The following XIRP2 variants were observed in gnomAD, a reference collection of about 807,000 sequenced individuals.
XIRP2 encodes the protein xin actin binding repeat containing 2.
A neutral mutation model predicts 277.0 loss-of-function variants in XIRP2; 236 were observed. The observed-to-expected ratio is 0.85, with a 90% CI of 0.77 to 0.95. The LOEUF (loss-of-function observed/expected upper bound fraction) is 0.95. Among genes scored for constraint, XIRP2 ranks in the 40% least tolerant of loss-of-function variants. The probability of loss-of-function intolerance (pLI) is 0.00; values close to 1 mark genes in which losing one functional copy is unlikely to be tolerated. For synonymous variants in XIRP2, 1,490 were observed against 1,416.5 expected (o/e 1.05, Z -1.17); for missense variants, 4,640 against 4,157.5 (o/e 1.12, Z -3.19).
intron 3 of XIRP2, among the ~76,000 whole-genome samples, chr2:167,137,153 T>A (rs1691580380): frequency 2.0e-5 from 3 of 152,296 alleles, no homozygotes; most frequent in South Asian, 4.1e-4. Context: ...CCATTCTGAT[T>A]CCGTTTGGTT....
chr2:167,185,550 G>A (rs115922434), intron 3 of XIRP2, among the ~76,000 whole-genome samples: 5,978 of 152,068 alleles, frequency 0.039, 129 homozygotes, highest in Non-Finnish European at 0.051. Context: ...TAAGGAGAGA[G>A]AAGGTGGGGA....
intron 2 of XIRP2, among the ~76,000 whole-genome samples, chr2:166,913,072 G>C (rs190331501): frequency 5.3e-5 from 8 of 151,850 alleles, no homozygotes; most frequent in African/African-American, 1.5e-4. Context: ...TGAGGAGGCA[G>C]TCTATCCATT....
chr2:167,041,726 C>CAG (rs144536666), intron 2 of XIRP2, among the ~76,000 whole-genome samples: 145 of 150,018 alleles, frequency 9.7e-4, no homozygotes, highest in African/African-American at 3.1e-3. Context: ...AAGACAGAGA[C>CAG]AGAGAGAGAG....
intron 2 of XIRP2, among the ~76,000 whole-genome samples, chr2:166,926,916 C>T (rs933117382): frequency 2.0e-5 from 3 of 152,096 alleles, no homozygotes; most frequent in Admixed American, 6.6e-5. Context: ...GCTCAAGACC[C>T]TGAGAACTTT....
chr2:167,241,946 G>A (rs1417959402), intron 8 of XIRP2, 36 bp downstream of exon 8: 2 of 1,566,808 alleles, frequency 1.3e-6, no homozygotes, highest in Admixed American at 3.9e-5. Flanking sequence ...CATACTAAGT[G>A]TAAGACCAAG....
intron 2 of XIRP2, among the ~76,000 whole-genome samples, chr2:166,915,321 AAG>A (rs1175152405): frequency 4.0e-5 from 6 of 150,828 alleles, no homozygotes; most frequent in Admixed American, 1.3e-4. Context: ...AAAAAAAAAA[AAG>A]AAAAAGAAAT....
chr2:166,928,611 G>A (rs1210877444), intron 2 of XIRP2, among the ~76,000 whole-genome samples: 2 of 152,034 alleles, frequency 1.3e-5, no homozygotes, highest in Non-Finnish European at 2.9e-5. Flanking sequence ...TTGCTTTTTA[G>A]TTTATAGCAT....
rs1323405913 is a variant in XIRP2, at chr2:166,903,908, G to A, written c.408+18G>A. ...GTGGAAAGGTAAGGAGCCATTGATT[G>A]AGAGTCTATGTTTACATATGACTTC... is the stretch of plus-strand genomic sequence containing the variant. On this transcript the variant is annotated intron_variant, in intron 2 of 10. Coordinates refer to ENST00000409195, the MANE Select transcript of XIRP2 (RefSeq NM_152381.6). 1.9e-6 allele frequency: 3 copies of A among 1,601,730 alleles called. No individual in the cohort carries two copies. The highest frequency in any genetic ancestry group is 1.3e-5 in the African/African-American group (1 of 74,440).
chr2:166,999,085 A>G (rs915384209), intron 2 of XIRP2, among the ~76,000 whole-genome samples: 2 of 151,734 alleles, frequency 1.3e-5, no homozygotes, highest in Non-Finnish European at 2.9e-5. Flanking sequence ...TGTATTTAAA[A>G]TCATATATTT....
At chr2:167,122,889 A>G (rs975810026) in intron 2 of XIRP2, among the ~76,000 whole-genome samples, 2 of 151,856 alleles carry the variant, frequency 1.3e-5, no homozygotes, top group African/African-American at 2.4e-5. Context: ...CAGTTTTTTT[A>G]TTTGGGTCTT....
chr2:167,246,224 A>G lies in XIRP2; in HGVS notation c.4832A>G (p.Asn1611Ser). ...GCTGATCTCAGAAATATAATGGTGA[A>G]CCTACTTTCCAAAAGGGACTGTACT... is the stretch of plus-strand genomic sequence containing the variant. Reference protein sequence around the residue: ...IRADLRNIMVNLLSKRDCTER... With the variant: ...IRADLRNIMVSLLSKRDCTER... Residue 1611 changes from asparagine (N) to serine (S), a missense_variant, in exon 9 of 11, where the codon AAC (asparagine) becomes AGC (serine). Physicochemically the swap from Asn to Ser is conservative, Grantham distance 46. Transcript: ENST00000409195. 6.2e-7 allele frequency: 1 copy of G among 1,613,318 alleles called. No homozygotes were observed. Among genetic ancestry groups the G allele is most frequent in the South Asian group, 1.1e-5 (1 of 90,952 alleles).
intron 2 of XIRP2, among the ~76,000 whole-genome samples, chr2:167,007,266 G>A (rs1687527269): frequency 1.3e-5 from 2 of 151,502 alleles, no homozygotes; most frequent in African/African-American, 2.4e-5. Context: ...CACCAATGAT[G>A]GGATATCATA....
chr2:167,255,244 ATC>A (rs1250762442), intron 10 of XIRP2, among the ~76,000 whole-genome samples: 1 of 151,766 alleles, frequency 6.6e-6, no homozygotes, highest in African/African-American at 2.4e-5. Context: ...GCTAGGCCAA[ATC>A]TCTCTGTGCA....
intron 1 of XIRP2, among the ~76,000 whole-genome samples, chr2:166,897,600 G>T (rs559772395): frequency 6.6e-6 from 1 of 152,238 alleles, no homozygotes; most frequent in South Asian, 2.1e-4. Context: ...ATAGGTATTA[G>T]CTACAAAGAA....
chr2:167,182,904 A>G (rs1281834032), intron 3 of XIRP2, among the ~76,000 whole-genome samples: 1 of 152,196 alleles, frequency 6.6e-6, no homozygotes, highest in East Asian at 1.9e-4. Context: ...AGCCAAATCA[A>G]TGTTGGTCTT....
rs1403671496 is a variant in XIRP2, at chr2:166,909,128, A to C, written c.408+5238A>C. 4.6e-5 allele frequency among the ~76,000 whole-genome samples: 7 copies of C among 152,164 alleles called. 1 individual carries two copies. The highest frequency in any genetic ancestry group is 1.7e-4 in the African/African-American group (7 of 41,494). The stretch of plus-strand genomic sequence containing the variant: ...CTTTTTTGGTTCCATATGAAGTTTA[A>C]AGTAGTTTTTTCCAATTCTGTGAAG... On this transcript the variant is annotated intron_variant, in intron 2 of 10. Transcript: ENST00000409195.
chr2:167,100,158 TAA>T (rs138195612), intron 2 of XIRP2, among the ~76,000 whole-genome samples: 1 of 147,532 alleles, frequency 6.8e-6, no homozygotes, highest in Admixed American at 6.8e-5. Flanking sequence ...TACCATAGTC[TAA>T]AAAAAAAATT....
chr2:166,954,964 G>A (rs1269707935), intron 2 of XIRP2, among the ~76,000 whole-genome samples: 5 of 151,704 alleles, frequency 3.3e-5, no homozygotes, highest in African/African-American at 9.7e-5. Context: ...ATGCATGCTG[G>A]GCTTAATACC....
In XIRP2 at chr2:167,245,623, G is replaced by T; in HGVS notation, c.4231G>T (p.Asp1411Tyr). 1 of 1,613,494 alleles carries T rather than the reference G, an allele frequency of 6.2e-7. No homozygotes were observed. Among genetic ancestry groups the T allele is most frequent in the South Asian group, 1.1e-5 (1 of 90,984 alleles). Residue 1411 changes from aspartate to tyrosine, a missense_variant, in exon 9 of 11, where the codon GAC (aspartate) becomes TAC (tyrosine). Coordinates refer to ENST00000409195, the MANE Select transcript of XIRP2 (RefSeq NM_152381.6). ...EESHNIMPSI[D>Y]HIQGGNVKTS... ...ATCACATAATATTATGCCCAGTATT[G>T]ACCATATACAAGGTGGCAATGTAAA...
Sources: allele counts gnomAD v4.1 joint callset (sites outside exome capture counted in the v4.1 genomes callset), GRCh38; gene constraint gnomAD v4.1.1; transcripts MANE v1.5; gene names NCBI Gene and HGNC (gene_info 2026-07-23, HGNC 2026-07-21).